Variants in STK3 observed in about 807,000 individuals in gnomAD.
STK3 encodes the protein serine/threonine-protein kinase 3.
A neutral mutation model predicts 58.0 loss-of-function variants in STK3; 41 were observed. That is an observed-to-expected ratio of 0.71 (90% CI 0.55 to 0.92). The LOEUF (loss-of-function observed/expected upper bound fraction) is 0.92, where lower values mean the gene tolerates loss of function less well. Ranked by LOEUF, STK3 falls within the 40% of genes least tolerant of loss-of-function variation. The pLI is 0.00. For synonymous variants in STK3, 170 were observed against 191.0 expected (o/e 0.89, Z 0.91); for missense variants, 479 against 602.7 (o/e 0.79, Z 2.15).
At chr8:98,518,280 C>T (rs1563692089) in intron 10 of STK3, among the ~76,000 whole-genome samples, 1 of 151,928 alleles carries the variant, frequency 6.6e-6, no homozygotes, top group South Asian at 2.1e-4. Flanking sequence ...TATTAATTAC[C>T]TAAATAAGCA....
At chr8:98,478,989 C>T (rs1024644173) in intron 10 of STK3, among the ~76,000 whole-genome samples, 1 of 152,118 alleles carries the variant, frequency 6.6e-6, no homozygotes, top group Non-Finnish European at 1.5e-5. Context: ...ACATCTAAGT[C>T]CTTTCATCAC....
At chr8:98,587,242 T>C (rs1238380542) in intron 7 of STK3, among the ~76,000 whole-genome samples, 1 of 152,134 alleles carries the variant, frequency 6.6e-6, no homozygotes, top group Non-Finnish European at 1.5e-5. Flanking sequence ...TTTAGCGCTA[T>C]AAATTTCCCT....
intron 1 of STK3, among the ~76,000 whole-genome samples, chr8:98,890,795 T>G (rs1838169955): frequency 6.6e-6 from 1 of 152,072 alleles, no homozygotes; most frequent in African/African-American, 2.4e-5. Flanking sequence ...TAGGCCAGGG[T>G]TCATGACAAT....
intron 1 of STK3, among the ~76,000 whole-genome samples, chr8:98,443,021 C>G (rs1412879443): frequency 6.6e-6 from 1 of 151,058 alleles, no homozygotes; most frequent in Non-Finnish European, 1.5e-5. Flanking sequence ...AAAACCCAGA[C>G]TCTGTTTTTC....
At chr8:98,934,744 C>A (rs376647596) in intron 1 of STK3, among the ~76,000 whole-genome samples, 1 of 152,008 alleles carries the variant, frequency 6.6e-6, no homozygotes, top group East Asian at 1.9e-4. Flanking sequence ...GGTGAAACCC[C>A]GTCTCTACTA....
At chr8:98,610,150 C>T (rs1817077061) in intron 6 of STK3, among the ~76,000 whole-genome samples, 1 of 151,072 alleles carries the variant, frequency 6.6e-6, no homozygotes, top group South Asian at 2.1e-4. Flanking sequence ...CCAATACCCC[C>T]ATCCAAAGGA....
chr8:98,721,001 T>C, intron 4 of STK3: 1 of 765,256 alleles, frequency 1.3e-6, no homozygotes, highest in Non-Finnish European at 1.6e-6. Flanking sequence ...CAAATTTAAA[T>C]TATTTTCAAT....
At chr8:98,801,655 C>T (rs1260744454) in intron 1 of STK3, among the ~76,000 whole-genome samples, 1 of 152,136 alleles carries the variant, frequency 6.6e-6, no homozygotes, top group East Asian at 1.9e-4. Flanking sequence ...AAACTCCAAA[C>T]GTGTCCGAAC....
At chr8:98,722,924 TC>T (rs1380541622) in intron 4 of STK3, 1 of 501,552 alleles carries the variant, frequency 2.0e-6, no homozygotes, top group Non-Finnish European at 4.0e-6. Context: ...AGATCCATTC[TC>T]AAATCACAGC....
At chr8:98,510,667 T>G (rs1286238235) in intron 10 of STK3, among the ~76,000 whole-genome samples, 1 of 151,748 alleles carries the variant, frequency 6.6e-6, no homozygotes, top group Non-Finnish European at 1.5e-5. Context: ...AAATTTCTCT[T>G]ATAAATAAGT....
At chr8:98,521,191 C>A (rs1488838217) in intron 10 of STK3, among the ~76,000 whole-genome samples, 1 of 152,140 alleles carries the variant, frequency 6.6e-6, no homozygotes, top group Non-Finnish European at 1.5e-5. Context: ...GTCCCTCCTG[C>A]AATTCCCTTT....
At chr8:98,770,989 C>T (rs920531930) in intron 2 of STK3, among the ~76,000 whole-genome samples, 14 of 152,050 alleles carry the variant, frequency 9.2e-5, no homozygotes, top group African/African-American at 3.4e-4. Flanking sequence ...GTGTTTAATA[C>T]AGTGGAACCT....
At chr8:98,378,415 CTT>C (rs1244720820) in intron 2 of STK3, among the ~76,000 whole-genome samples, 1 of 152,208 alleles carries the variant, frequency 6.6e-6, no homozygotes, top group African/African-American at 2.4e-5. Flanking sequence ...GTGGTTAAGA[CTT>C]AGGTCTCAGA....
At chr8:98,898,669 C>A (rs1838546773) in intron 1 of STK3, among the ~76,000 whole-genome samples, 1 of 152,100 alleles carries the variant, frequency 6.6e-6, no homozygotes, top group Non-Finnish European at 1.5e-5. Context: ...AATCTTTCTG[C>A]ACAGTAGAAA....
intron 4 of STK3, among the ~76,000 whole-genome samples, chr8:98,726,086 C>T (rs906900326): frequency 1.3e-5 from 2 of 152,178 alleles, no homozygotes; most frequent in African/African-American, 4.8e-5. Context: ...AAGAAGGGCT[C>T]ACTACAGATC....
At chr8:98,512,496 C>A (rs1824595925) in intron 10 of STK3, among the ~76,000 whole-genome samples, 2 of 152,070 alleles carry the variant, frequency 1.3e-5, no homozygotes, top group Non-Finnish European at 2.9e-5. Context: ...AATACATAAA[C>A]AATATGTGCC....
intron 1 of STK3, among the ~76,000 whole-genome samples, chr8:98,385,182 T>A (rs1214778829): frequency 6.6e-6 from 1 of 151,632 alleles, no homozygotes; most frequent in Non-Finnish European, 1.5e-5. Context: ...AGAAACCCTG[T>A]TGTGCCTTCC....
chr8:98,653,321 A>G (rs1299205076), intron 6 of STK3, among the ~76,000 whole-genome samples: 1 of 152,222 alleles, frequency 6.6e-6, no homozygotes, highest in African/African-American at 2.4e-5. Flanking sequence ...TCTTTGGGAC[A>G]CATTCAAAGC....
At chr8:98,394,903 G>A (rs890387601) in intron 3 of STK3, among the ~76,000 whole-genome samples, 11 of 152,130 alleles carry the variant, frequency 7.2e-5, no homozygotes, top group Non-Finnish European at 1.3e-4. Context: ...GAGTCAATGC[G>A]GCAGTGAGCA....
Sources: allele counts gnomAD v4.1 joint callset (sites outside exome capture counted in the v4.1 genomes callset), GRCh38; gene constraint gnomAD v4.1.1; transcripts MANE v1.5; gene names NCBI Gene and HGNC (gene_info 2026-07-23, HGNC 2026-07-21).